The following TMEM132B variants were observed in gnomAD, a reference collection of about 807,000 sequenced individuals.
The protein encoded by TMEM132B is transmembrane protein 132B.
A neutral mutation model predicts 90.8 loss-of-function variants in TMEM132B; 18 were observed. That is an observed-to-expected ratio of 0.20 (90% CI 0.14 to 0.29). The LOEUF (loss-of-function observed/expected upper bound fraction) is 0.29. Ranked by LOEUF, TMEM132B falls within the 10% of genes least tolerant of loss-of-function variation. The pLI, the probability that TMEM132B is intolerant of heterozygous loss-of-function variation, is 1.00. For synonymous variants in TMEM132B, 504 were observed against 523.3 expected (o/e 0.96, Z 0.50); for missense variants, 1,096 against 1,326.8 (o/e 0.83, Z 2.70).
chr12:125,294,459 C>T (rs1393500114), intron 1 of TMEM132B, among the ~76,000 whole-genome samples: 1 of 152,216 alleles, frequency 6.6e-6, no homozygotes, highest in East Asian at 1.9e-4. Flanking sequence ...AGATGTTCAT[C>T]ACAGAACTAT....
chr12:125,290,209 T>TGCCGAAGCTTC (rs1212643339), intron 1 of TMEM132B, among the ~76,000 whole-genome samples: 1 of 152,250 alleles, frequency 6.6e-6, no homozygotes, highest in East Asian at 1.9e-4. Flanking sequence ...ATTACCCAAC[T>TGCCGAAGCTTC]GCCGAAGCTT....
intron 1 of TMEM132B, among the ~76,000 whole-genome samples, chr12:125,243,032 T>TACAC (rs765539161): frequency 1.6e-4 from 21 of 134,978 alleles, no homozygotes; most frequent in African/African-American, 1.9e-4. Context: ...TATATATATA[T>TACAC]ACACACACAC....
intron 3 of TMEM132B, among the ~76,000 whole-genome samples, chr12:125,510,986 A>G (rs1352650330): frequency 1.3e-5 from 2 of 152,232 alleles, no homozygotes; most frequent in Non-Finnish European, 2.9e-5. Flanking sequence ...AAAGTCATGG[A>G]ATCATTGCAT....
intron 1 of TMEM132B, among the ~76,000 whole-genome samples, chr12:125,339,556 T>G (rs188300088): frequency 2.6e-4 from 39 of 152,288 alleles, no homozygotes; most frequent in African/African-American, 7.7e-4. Context: ...CCATCCTCAG[T>G]AAAAGGCAGA....
At chr12:125,191,970 A>G (rs576413143) in intron 1 of TMEM132B, among the ~76,000 whole-genome samples, 5 of 152,334 alleles carry the variant, frequency 3.3e-5, no homozygotes, top group African/African-American at 9.6e-5. Flanking sequence ...TGAGGCTGTT[A>G]GCACAGGGCA....
chr12:125,514,117 C>T (rs1310226033), intron 3 of TMEM132B, among the ~76,000 whole-genome samples: 1 of 152,186 alleles, frequency 6.6e-6, no homozygotes, highest in African/African-American at 2.4e-5. Context: ...AGTATATAAA[C>T]AGACTTACGG....
intron 3 of TMEM132B, among the ~76,000 whole-genome samples, chr12:125,513,678 T>G (rs1164557230): frequency 6.6e-6 from 1 of 152,310 alleles, no homozygotes; most frequent in South Asian, 2.1e-4. Flanking sequence ...ATCTGCTTGG[T>G]TTCTACTCGC....
At chr12:125,340,870 G>C (rs558786263) in intron 1 of TMEM132B, among the ~76,000 whole-genome samples, 8 of 152,338 alleles carry the variant, frequency 5.3e-5, no homozygotes, top group African/African-American at 1.9e-4. Flanking sequence ...CTTACATGGA[G>C]CCCACCAGAG....
At chr12:125,340,586 A>T (rs1177925732) in intron 1 of TMEM132B, among the ~76,000 whole-genome samples, 1 of 152,172 alleles carries the variant, frequency 6.6e-6, no homozygotes, top group African/African-American at 2.4e-5. Flanking sequence ...AATTGTGTGC[A>T]TTTGCCTTCA....
chr12:125,595,972 T>C (rs1885429913), intron 5 of TMEM132B, among the ~76,000 whole-genome samples: 1 of 152,058 alleles, frequency 6.6e-6, no homozygotes, highest in Non-Finnish European at 1.5e-5. Flanking sequence ...TCTTTTTTTC[T>C]CTTAAATATT....
At chr12:125,414,429 A>G (rs1009423733) in intron 2 of TMEM132B, among the ~76,000 whole-genome samples, 1 of 151,878 alleles carries the variant, frequency 6.6e-6, no homozygotes, top group Admixed American at 6.6e-5. Context: ...GGCATAATGC[A>G]CCTGTCTTTG....
intron 5 of TMEM132B, chr12:125,588,254 T>G (rs1024879666): frequency 1.2e-4 from 18 of 152,182 alleles, no homozygotes; most frequent in African/African-American, 4.1e-4. Flanking sequence ...GGGATGGTAA[T>G]GATACAGTGG....
At chr12:125,274,681 C>T (rs1010933865) in intron 1 of TMEM132B, among the ~76,000 whole-genome samples, 1 of 152,218 alleles carries the variant, frequency 6.6e-6, no homozygotes, top group African/African-American at 2.4e-5. Context: ...CGCGGTAATA[C>T]AGCTGACATT....
rs60316781 is a variant in TMEM132B at position 125,277,502 on chromosome 12, A to AACACAC, written c.68-71928_68-71923dup. On this transcript the variant is annotated intron_variant, in intron 1 of 8. Coordinates refer to ENST00000682704, the MANE Select transcript of TMEM132B (RefSeq NM_001366854.1). This position sits in a 1 kb window ranked among gnomAD's most constrained non-coding sequence, Gnocchi z 4.3. ...TCAAAAAAAAAAGATGAAGAGGGAG[A>AACACAC]ACACACACACACACACACACACACA... 5.1e-3 allele frequency among the ~76,000 whole-genome samples: 723 copies of AACACAC among 143,168 alleles called. 8 individuals are homozygous for AACACAC. Among genetic ancestry groups the AACACAC allele is most frequent in the African/African-American group, 0.015 (565 of 37,372 alleles). 93.9% of individuals were successfully genotyped at this position (143,168 alleles called of 152,430 possible). A position where few individuals can be genotyped will look rare whatever the true frequency, so the allele number is the denominator to read the frequency against.
At chr12:125,528,558 C>A (rs150043077) in intron 4 of TMEM132B, among the ~76,000 whole-genome samples, 3 of 152,106 alleles carry the variant, frequency 2.0e-5, no homozygotes, top group Middle Eastern at 3.2e-3. Context: ...TGGTGAATGG[C>A]GATGAATTAG....
intron 1 of TMEM132B, among the ~76,000 whole-genome samples, chr12:125,281,429 G>A (rs560181662): frequency 6.6e-6 from 1 of 152,272 alleles, no homozygotes; most frequent in East Asian, 1.9e-4. Flanking sequence ...ACAGGATGTG[G>A]TGGAAAAAAA....
intron 2 of TMEM132B, among the ~76,000 whole-genome samples, chr12:125,382,397 T>C (rs946147739): frequency 6.6e-6 from 1 of 152,184 alleles, no homozygotes; most frequent in Non-Finnish European, 1.5e-5. Flanking sequence ...CTGAACAGGA[T>C]GTTTGGTGTA....
At chr12:125,602,550 G>A (rs1171368536) in intron 5 of TMEM132B, among the ~76,000 whole-genome samples, 1 of 152,188 alleles carries the variant, frequency 6.6e-6, no homozygotes, top group Non-Finnish European at 1.5e-5. Context: ...TTGAAAACCA[G>A]CACAAGACAA....
At chr12:125,393,816 A>C (rs1253446922) in intron 2 of TMEM132B, among the ~76,000 whole-genome samples, 2 of 152,226 alleles carry the variant, frequency 1.3e-5, no homozygotes. Flanking sequence ...CAGGAACTTC[A>C]TGGGACAAAC....
Sources: allele counts gnomAD v4.1 joint callset (sites outside exome capture counted in the v4.1 genomes callset), GRCh38; gene constraint gnomAD v4.1.1; non-coding constraint Gnocchi (gnomAD v3.1); transcripts MANE v1.5; gene names NCBI Gene and HGNC (gene_info 2026-07-23, HGNC 2026-07-21).